Variants in PCDHA5 observed in about 807,000 individuals in gnomAD.
The protein encoded by PCDHA5 is protocadherin alpha-5.
A neutral mutation model predicts 61.6 loss-of-function variants in PCDHA5; 43 were observed. The ratio of observed to expected loss-of-function variants is 0.70; its 90% CI spans 0.55 to 0.90. The LOEUF is 0.90. PCDHA5 is among the 40% of genes least tolerant of loss of function. The pLI, the probability that PCDHA5 is intolerant of heterozygous loss-of-function variation, is 0.00. For missense variants in PCDHA5, 1,298 were observed against 1,222.7 expected, an observed-to-expected ratio of 1.06 and a Z score of -0.92; for synonymous variants, 627 against 543.9, an observed-to-expected ratio of 1.15 and a Z score of -2.13.
intron 1 of PCDHA5, among the ~76,000 whole-genome samples, chr5:140,941,214 C>CTTCCTTTCTTT (rs1554214039): frequency 8.2e-6 from 1 of 122,414 alleles, no homozygotes; most frequent in Non-Finnish European, 1.7e-5. Context: ...TTTCTTTCTT[C>CTTCCTTTCTTT]CTTTCTTTCT....
chr5:140,877,822 TTAAA>T, intron 1 of PCDHA5: 1 of 1,603,218 alleles, frequency 6.2e-7, no homozygotes, highest in East Asian at 2.2e-5. Flanking sequence ...AGAAGATTGT[TTAAA>T]TCCTCCCAGT....
chr5:140,966,258 A>G, intron 1 of PCDHA5: 1 of 337,520 alleles, frequency 3.0e-6, no homozygotes, highest in Non-Finnish European at 5.3e-6. Context: ...GAGACGGTGG[A>G]GACTGGATGA....
At chr5:140,895,235 C>T (rs1554186440) in intron 1 of PCDHA5, among the ~76,000 whole-genome samples, 2 of 152,236 alleles carry the variant, frequency 1.3e-5, no homozygotes, top group East Asian at 1.9e-4. Context: ...GTTTTCTCAT[C>T]TCTCTTTTCA....
At position 141,011,260 on chromosome 5, in the gene PCDHA5, C is replaced by T. The variant is rs2098420018; in HGVS notation, c.*1323C>T. On this transcript the variant is annotated 3_prime_UTR_variant, in exon 4 of 4. Coordinates refer to ENST00000529859, the MANE Select transcript of PCDHA5 (RefSeq NM_018908.3). ...TGACTTGTCTTGGTGTGCTAGCCTA[C>T]ACCTTCTCTTTGGTTTAGTTTTCCT... The T allele has an allele frequency of 6.5e-6, 1 of 153,766 alleles. No individual in the cohort carries two copies. The highest frequency in any genetic ancestry group is 6.5e-5 in the Admixed American group (1 of 15,278). 9.5% of individuals were successfully genotyped at this position (153,766 alleles called of 1,614,324 possible).
At chr5:140,871,024 T>A (rs782482530) in intron 1 of PCDHA5, 2 of 1,613,076 alleles carry the variant, frequency 1.2e-6, no homozygotes, top group African/African-American at 1.3e-5. Flanking sequence ...CGAGGCAGAC[T>A]CGCCGCGCCA....
At chr5:140,877,736 G>A (rs979836328) in intron 1 of PCDHA5, 22 of 1,614,170 alleles carry the variant, frequency 1.4e-5, no homozygotes, top group East Asian at 2.2e-5. Flanking sequence ...CAGCAGAGGA[G>A]GCAGAGGGTG....
chr5:140,929,528 T>C, intron 1 of PCDHA5: 1 of 693,446 alleles, frequency 1.4e-6, no homozygotes, highest in African/African-American at 1.9e-5. Context: ...TAGTTTATTT[T>C]TGAGAAACAA....
At chr5:140,921,534 G>A (rs1413381073) in intron 1 of PCDHA5, among the ~76,000 whole-genome samples, 3 of 152,130 alleles carry the variant, frequency 2.0e-5, no homozygotes, top group African/African-American at 7.2e-5. Context: ...TCTGCTGATA[G>A]AACATTCTGC....
intron 1 of PCDHA5, among the ~76,000 whole-genome samples, chr5:140,908,703 C>T (rs751488038): frequency 5.9e-5 from 9 of 152,318 alleles, no homozygotes; most frequent in Non-Finnish European, 1.3e-4. Flanking sequence ...ACCTCAAGCA[C>T]CATTGGATCT....
chr5:140,930,044 A>G (rs1416118719), intron 1 of PCDHA5: 1 of 152,194 alleles, frequency 6.6e-6, no homozygotes, highest in African/African-American at 2.4e-5. Context: ...ACTGCTTTGG[A>G]GTTTTTGCTT....
At chr5:140,858,769 A>T in intron 1 of PCDHA5, 1 of 441,686 alleles carries the variant, frequency 2.3e-6, no homozygotes, top group Non-Finnish European at 4.1e-6. Flanking sequence ...TATTTGTGAG[A>T]TTAGTACTTC....
In PCDHA5 at chr5:140,870,085, C is replaced by G. The variant is rs200687541; in HGVS notation, c.2352+45958C>G. The stretch of plus-strand genomic sequence containing the variant: ...ACAGGCTACAGATAAGGGGACTCCC[C>G]CAATGGCAGGTCACTGTACAGTCTG... On this transcript the variant is annotated intron_variant, in intron 1 of 3. Coordinates refer to ENST00000529859, the MANE Select transcript of PCDHA5 (RefSeq NM_018908.3). 11 of 1,613,744 alleles carry G rather than the reference C, an allele frequency of 6.8e-6. No individual in the cohort carries two copies. The African/African-American group carries it at 1.3e-4, about 20-fold the overall frequency.
chr5:141,012,183 A>G lies in PCDHA5; in HGVS notation c.*2246A>G, dbSNP rs1554263839. The stretch of plus-strand genomic sequence containing the variant: ...TAATTTATTAATGATGATAATTATA[A>G]TGTATCTGTACAGCACTTTTTACAT... On this transcript the variant is annotated 3_prime_UTR_variant, in exon 4 of 4. Coordinates refer to ENST00000529859, the MANE Select transcript of PCDHA5 (RefSeq NM_018908.3). The G allele has an allele frequency of 6.5e-6, 1 of 153,782 alleles. No homozygotes were observed. Among genetic ancestry groups the G allele is most frequent in the Admixed American group, 6.5e-5 (1 of 15,280 alleles). 9.5% of individuals were successfully genotyped at this position (153,782 alleles called of 1,614,324 possible). A position where few individuals can be genotyped will look rare whatever the true frequency, so the allele number is the denominator to read the frequency against.
rs1051787265 is a variant in PCDHA5 at position 140,857,050 on chromosome 5, G to A, written c.2352+32923G>A. On this transcript the variant is annotated intron_variant, in intron 1 of 3. Transcript: ENST00000529859. ...ACCCACCTATGGTTGGTCACTGCAC[G>A]GTCCTAGTGGAACTACTGGATGAAA... is the stretch of plus-strand genomic sequence containing the variant. 1.3e-5 allele frequency: 20 copies of A among 1,595,508 alleles called. 1 individual carries two copies. The highest frequency in any genetic ancestry group is 1.7e-5 in the Non-Finnish European group (20 of 1,165,320).
In PCDHA5 at chr5:140,821,872, T is replaced by C; in HGVS notation, c.97T>C (p.Ser33Pro). Residue 33 changes from serine (S) to proline (P), a missense_variant, in exon 1 of 4, where the codon TCG becomes CCG. Transcript: ENST00000529859. Reference protein sequence around the residue: ...WKAGSGQLHYSIPEEAKHGTF... With the variant: ...WKAGSGQLHYPIPEEAKHGTF... The stretch of plus-strand genomic sequence containing the variant: ...GGCAGGGAGCGGCCAGCTCCACTAC[T>C]CGATCCCGGAGGAAGCCAAACACGG... 6.2e-7 allele frequency: 1 copy of C among 1,614,172 alleles called. No individual in the cohort carries two copies. The highest frequency in any genetic ancestry group is 1.1e-5 in the South Asian group (1 of 91,080).
In PCDHA5 at chr5:140,834,566, G is replaced by T. The variant is rs149709586; in HGVS notation, c.2352+10439G>T. ...GGCTGGAGCTGGCGGAGCTGGTGCC[G>T]CGCCTGTTCCGGGCGGTGTGCAAAT... is the stretch of plus-strand genomic sequence containing the variant. On this transcript the variant is annotated intron_variant, in intron 1 of 3. Transcript: ENST00000529859. The T allele has an allele frequency of 1.5e-3, 2,437 of 1,614,096 alleles. 37 individuals carry two copies. In the African/African-American group the frequency reaches 0.029, roughly 19 times the overall value.
At chr5:140,875,240 C>A in intron 1 of PCDHA5, 1 of 923,800 alleles carries the variant, frequency 1.1e-6, no homozygotes. Context: ...CTTGTACTTA[C>A]ATAATCAGTC....
chr5:140,967,079 A>G (rs2096093467), intron 1 of PCDHA5: 10 of 1,613,252 alleles, frequency 6.2e-6, no homozygotes, highest in Non-Finnish European at 8.5e-6. Flanking sequence ...CAACGAGCGC[A>G]TTGATCGGGA....
chr5:140,984,658 A>G (rs1421972508), intron 3 of PCDHA5, among the ~76,000 whole-genome samples: 1 of 152,146 alleles, frequency 6.6e-6, no homozygotes, highest in Non-Finnish European at 1.5e-5. Flanking sequence ...TCCTTCTGGT[A>G]CTTTTAGGTT....
Sources: allele counts gnomAD v4.1 joint callset (sites outside exome capture counted in the v4.1 genomes callset), GRCh38; gene constraint gnomAD v4.1.1; transcripts MANE v1.5; gene names NCBI Gene and HGNC (gene_info 2026-07-23, HGNC 2026-07-21).